ABI1: variants seen among roughly 807,000 people sequenced by gnomAD.
ABI1 encodes the protein abl interactor 1, also known as Abelson interactor 1.
Under a neutral mutation model 54.6 loss-of-function variants are expected in ABI1, and 14 were observed. The observed-to-expected ratio is 0.26, with a 90% CI of 0.17 to 0.40. ABI1 has a LOEUF of 0.40. ABI1 is among the 10% of genes least tolerant of loss of function. ABI1 has a pLI of 1.00. For synonymous variants in ABI1, 194 were observed against 209.3 expected (o/e 0.93, Z 0.63); for missense variants, 443 against 598.3 (o/e 0.74, Z 2.71).
intron 1 of ABI1, among the ~76,000 whole-genome samples, chr10:26,848,424 T>A (rs1338169845): frequency 1.3e-5 from 2 of 152,070 alleles, no homozygotes; most frequent in Non-Finnish European, 2.9e-5. Context: ...ATGAATCAAA[T>A]AAATTCATAT....
chr10:26,819,857 T>C (rs1256265100), intron 2 of ABI1, among the ~76,000 whole-genome samples: 1 of 152,110 alleles, frequency 6.6e-6, no homozygotes, highest in African/African-American at 2.4e-5. Context: ...AAAAAGAAAA[T>C]TCTGTTATTT....
intron 2 of ABI1, among the ~76,000 whole-genome samples, chr10:26,820,392 G>A (rs1446144732): frequency 1.3e-5 from 2 of 151,982 alleles, no homozygotes; most frequent in African/African-American, 2.4e-5. Flanking sequence ...GTATTTTTCT[G>A]ACCAGTAAGA....
At chr10:26,833,459 A>T (rs185669093) in intron 1 of ABI1, among the ~76,000 whole-genome samples, 1 of 152,176 alleles carries the variant, frequency 6.6e-6, no homozygotes, top group African/African-American at 2.4e-5. Flanking sequence ...ACCATACTAC[A>T]AGGCTTACAT....
chr10:26,811,102 T>C (rs1303456185), intron 2 of ABI1, among the ~76,000 whole-genome samples: 1 of 152,190 alleles, frequency 6.6e-6, no homozygotes. Context: ...AGTAACTTAC[T>C]ATAACTAAGG....
chr10:26,807,595 T>G (rs11015300), intron 2 of ABI1, among the ~76,000 whole-genome samples: 1 of 152,082 alleles, frequency 6.6e-6, no homozygotes, highest in Non-Finnish European at 1.5e-5. Context: ...CTGAGTTGCA[T>G]GCAGTTCGCT....
intron 9 of ABI1, among the ~76,000 whole-genome samples, chr10:26,754,427 A>T (rs561382277): frequency 1.1e-4 from 16 of 152,336 alleles, no homozygotes; most frequent in African/African-American, 3.8e-4. Context: ...AACAGTAAGG[A>T]TGGCTTACAC....
chr10:26,831,173 T>C (rs17816641), intron 1 of ABI1, among the ~76,000 whole-genome samples: 10,318 of 152,234 alleles, frequency 0.068, 392 homozygotes, highest in East Asian at 0.14. Context: ...TCACAACATA[T>C]TTGTCTTTTA....
intron 2 of ABI1, among the ~76,000 whole-genome samples, chr10:26,796,706 T>C (rs557104002): frequency 4.6e-5 from 7 of 152,364 alleles, no homozygotes; most frequent in African/African-American, 1.7e-4. Flanking sequence ...GATGTGTTTA[T>C]CTGCTTCACT....
chr10:26,815,323 AT>A (rs1460449935), intron 2 of ABI1, among the ~76,000 whole-genome samples: 1 of 152,116 alleles, frequency 6.6e-6, no homozygotes, highest in Non-Finnish European at 1.5e-5. Context: ...AGTCACCTTA[AT>A]TTTTTTATGA....
chr10:26,818,692 T>C (rs1254380929), intron 2 of ABI1, among the ~76,000 whole-genome samples: 4 of 134,838 alleles, frequency 3.0e-5, no homozygotes, highest in Non-Finnish European at 6.3e-5. Flanking sequence ...AAAAAGAAAA[T>C]GCGTGACACA....
Position 26,823,162 on chromosome 10 carries a change from C to T in ABI1, c.261G>A (p.Glu87=), listed in dbSNP as rs769118342. ...DIQASQLRRM[E]SSINHISQTV... is the part of the protein sequence containing the mutation. The stretch of plus-strand genomic sequence containing the variant: ...CCTGTGAGATATGATTGATGGAAGA[C>T]TCCATTCTCCGAAGCTGAGAGGCTT... Residue 87 remains glutamate, a synonymous_variant, in exon 2 of 11, where the codon GAG becomes GAA. Coordinates refer to ENST00000376140, the MANE Select transcript of ABI1 (RefSeq NM_001012750.3). The T allele has an allele frequency of 5.6e-6, 9 of 1,597,660 alleles. No individual in the cohort carries two copies. The East Asian group carries it at 1.8e-4, about 32-fold the overall frequency.
chr10:26,774,627 T>C (rs542305908), intron 3 of ABI1, among the ~76,000 whole-genome samples: 10 of 152,228 alleles, frequency 6.6e-5, no homozygotes, highest in African/African-American at 2.2e-4. Context: ...AACTAACATG[T>C]ACCGTTTATT....
At chr10:26,756,629 TATAAC>T (rs1194004674) in intron 8 of ABI1, among the ~76,000 whole-genome samples, 1 of 152,170 alleles carries the variant, frequency 6.6e-6, no homozygotes, top group Non-Finnish European at 1.5e-5. Context: ...TATTAAAAAT[TATAAC>T]ATACACTAGA....
chr10:26,810,459 G>T (rs150855646), intron 2 of ABI1, among the ~76,000 whole-genome samples: 2 of 152,240 alleles, frequency 1.3e-5, no homozygotes, highest in East Asian at 3.9e-4. Flanking sequence ...TAAATCCCAT[G>T]AACACTTTTT....
chr10:26,850,783 GT>G, intron 1 of ABI1, among the ~76,000 whole-genome samples: 1 of 152,082 alleles, frequency 6.6e-6, no homozygotes. Context: ...TGAGGCACCT[GT>G]GATTCAAACA....
intron 2 of ABI1, among the ~76,000 whole-genome samples, chr10:26,792,565 A>T (rs574881503): frequency 3.4e-4 from 51 of 152,228 alleles, no homozygotes; most frequent in Non-Finnish European, 6.5e-4. Flanking sequence ...TGAAGAAAAG[A>T]TTATGGAAAT....
chr10:26,764,106 CA>C lies in ABI1; in HGVS notation c.820+1111del, dbSNP rs1434331933. 3 of 524,950 alleles carry C rather than the reference CA, an allele frequency of 5.7e-6. No individual in the cohort carries two copies. The African/African-American group carries it at 5.8e-5, about 10-fold the overall frequency. The allele number at this position is 524,950 out of a possible 1,614,324, so 32.5% of individuals were successfully genotyped here. ...TGCTCAAATGAGTATGAATTTTGTACATAAAGAGGCTACCGAGTTTATACCT... is the reference window on the plus strand; with the variant it reads ...TGCTCAAATGAGTATGAATTTTGTACTAAAGAGGCTACCGAGTTTATACCT... On this transcript the variant is annotated intron_variant, in intron 7 of 10. Transcript: ENST00000376140.
intron 2 of ABI1, among the ~76,000 whole-genome samples, chr10:26,787,473 A>C (rs1407277342): frequency 6.6e-6 from 1 of 152,154 alleles, no homozygotes; most frequent in Non-Finnish European, 1.5e-5. Flanking sequence ...AAATTACTTG[A>C]AAAATTCTAC....
At chr10:26,776,767 T>C (rs2132886996) in intron 3 of ABI1, 1 of 236,346 alleles carries the variant, frequency 4.2e-6, no homozygotes, top group Middle Eastern at 1.3e-3. Context: ...TGTAGACTTT[T>C]ATTTTTAAAT....
Sources: allele counts gnomAD v4.1 joint callset (sites outside exome capture counted in the v4.1 genomes callset), GRCh38; gene constraint gnomAD v4.1.1; transcripts MANE v1.5; gene names NCBI Gene and HGNC (gene_info 2026-07-23, HGNC 2026-07-21).